The following SBF2 variants were observed in gnomAD, a reference collection of about 807,000 sequenced individuals.
SBF2 encodes SET binding factor 2, also known as myotubularin-related protein 13.
A neutral mutation model predicts 225.2 loss-of-function variants in SBF2; 112 were observed. That is an observed-to-expected ratio of 0.50 (90% CI 0.43 to 0.58). SBF2 has a LOEUF of 0.58. Ranked by LOEUF, SBF2 falls within the 20% of genes least tolerant of loss-of-function variation. SBF2 has a pLI of 0.00. For missense variants in SBF2, 1,996 were observed against 2,206.2 expected (o/e 0.90, Z 1.91); for synonymous variants, 763 against 773.3 (o/e 0.99, Z 0.22).
intron 28 of SBF2, among the ~76,000 whole-genome samples, chr11:9,822,625 G>A (rs1854832740): frequency 6.6e-6 from 1 of 152,148 alleles, no homozygotes; most frequent in East Asian, 1.9e-4. Context: ...GTAAGAACCG[G>A]CTAAGGGGAC....
intron 12 of SBF2, among the ~76,000 whole-genome samples, chr11:9,991,867 T>G (rs556894305): frequency 3.9e-5 from 6 of 152,278 alleles, no homozygotes; most frequent in African/African-American, 1.4e-4. Context: ...TATGGCTCTA[T>G]GATTTTGATA....
intron 2 of SBF2, among the ~76,000 whole-genome samples, chr11:10,101,330 T>C (rs1952293007): frequency 6.6e-6 from 1 of 152,216 alleles, no homozygotes; most frequent in African/African-American, 2.4e-5. Context: ...TACTGGGTGC[T>C]GAATGAGTTG....
At chr11:10,157,571 AAAAC>A (rs1464294223) in intron 2 of SBF2, among the ~76,000 whole-genome samples, 3 of 152,214 alleles carry the variant, frequency 2.0e-5, no homozygotes, top group Non-Finnish European at 2.9e-5. Flanking sequence ...TCACAAGAAC[AAAAC>A]AAACAACCCC....
At chr11:9,861,081 GCAT>G (rs1405721113) in intron 17 of SBF2, among the ~76,000 whole-genome samples, 1 of 152,154 alleles carries the variant, frequency 6.6e-6, no homozygotes, top group Non-Finnish European at 1.5e-5. Flanking sequence ...TGGAATATCT[GCAT>G]CATATTTACT....
chr11:9,952,467 T>C (rs1295751578), intron 16 of SBF2, among the ~76,000 whole-genome samples: 1 of 152,140 alleles, frequency 6.6e-6, no homozygotes, highest in African/African-American at 2.4e-5. Flanking sequence ...CTGAGCCTTT[T>C]GGGGTTTTGT....
intron 16 of SBF2, among the ~76,000 whole-genome samples, chr11:9,900,501 CT>C (rs1861637536): frequency 6.6e-6 from 1 of 152,130 alleles, no homozygotes; most frequent in Non-Finnish European, 1.5e-5. Context: ...TTAGTTTAGC[CT>C]GTGCGGTCTA....
At chr11:9,828,126 C>G in intron 28 of SBF2, 1 of 1,287,338 alleles carries the variant, frequency 7.8e-7, no homozygotes, top group Non-Finnish European at 1.0e-6. Context: ...TCTTACTAAC[C>G]TCCTTGAGCA....
chr11:10,196,849 TATATATATA>T (rs1194986670), intron 1 of SBF2, among the ~76,000 whole-genome samples: 1 of 20,330 alleles, frequency 4.9e-5, no homozygotes, highest in African/African-American at 9.8e-5. Context: ...TATATATATA[TATATATATA>T]TATATATATT....
chr11:9,884,541 G>C, intron 17 of SBF2, among the ~76,000 whole-genome samples: 1 of 152,166 alleles, frequency 6.6e-6, no homozygotes, highest in South Asian at 2.1e-4. Flanking sequence ...GACTCTAACT[G>C]CATTTTCCTC....
At chr11:10,188,799 C>A (rs1468767685) in intron 2 of SBF2, among the ~76,000 whole-genome samples, 2 of 152,144 alleles carry the variant, frequency 1.3e-5, no homozygotes, top group East Asian at 3.8e-4. Context: ...GAGTGGGTAC[C>A]AAAAATATGA....
intron 2 of SBF2, among the ~76,000 whole-genome samples, chr11:10,125,510 C>T (rs1953707905): frequency 6.6e-6 from 1 of 152,114 alleles, no homozygotes; most frequent in South Asian, 2.1e-4. Context: ...ACTACATAGC[C>T]TCCTGCCTTT....
At chr11:10,104,493 C>A (rs1952465854) in intron 2 of SBF2, among the ~76,000 whole-genome samples, 1 of 152,190 alleles carries the variant, frequency 6.6e-6, no homozygotes. Flanking sequence ...CTCCTAACTT[C>A]CGCAACGTAG....
chr11:10,155,654 T>C (rs1007333801), intron 2 of SBF2, among the ~76,000 whole-genome samples: 2 of 152,216 alleles, frequency 1.3e-5, no homozygotes, highest in Admixed American at 1.3e-4. Flanking sequence ...AAATAATGTT[T>C]GTATTTCTGA....
chr11:10,080,820 T>C (rs1951336791), intron 2 of SBF2, among the ~76,000 whole-genome samples: 1 of 152,030 alleles, frequency 6.6e-6, no homozygotes, highest in Non-Finnish European at 1.5e-5. Context: ...GCTATACTTA[T>C]ATCAGACAAA....
At chr11:9,867,031 C>G (rs978177360) in intron 17 of SBF2, among the ~76,000 whole-genome samples, 1 of 151,838 alleles carries the variant, frequency 6.6e-6, no homozygotes, top group South Asian at 2.1e-4. Context: ...GAGATGGGTA[C>G]AAAAAAATAG....
chr11:9,923,393 G>T (rs1472525782), intron 16 of SBF2, among the ~76,000 whole-genome samples: 1 of 152,114 alleles, frequency 6.6e-6, no homozygotes, highest in African/African-American at 2.4e-5. Context: ...AAATCCAGTG[G>T]CAGAATTTTT....
intron 16 of SBF2, among the ~76,000 whole-genome samples, chr11:9,926,503 T>C (rs765968983): frequency 3.3e-5 from 5 of 152,078 alleles, no homozygotes; most frequent in Admixed American, 1.3e-4. Flanking sequence ...ATATAGACCA[T>C]ATACTGGACC....
At chr11:10,100,378 C>G (rs58652557) in intron 2 of SBF2, among the ~76,000 whole-genome samples, 26,353 of 152,194 alleles carry the variant, frequency 0.17, 2,472 homozygotes, top group East Asian at 0.29. Context: ...GGTTCAGTAG[C>G]CCCCTCTCTG....
intron 1 of SBF2, among the ~76,000 whole-genome samples, chr11:10,236,753 C>T (rs527413476): frequency 6.6e-5 from 10 of 152,274 alleles, no homozygotes; most frequent in South Asian, 2.1e-4. Context: ...TGAGTCACCA[C>T]GCCCAGACTC....
Sources: allele counts gnomAD v4.1 joint callset (sites outside exome capture counted in the v4.1 genomes callset), GRCh38; gene constraint gnomAD v4.1.1; transcripts MANE v1.5; gene names NCBI Gene and HGNC (gene_info 2026-07-23, HGNC 2026-07-21).